The following KCNMA1 variants were observed in gnomAD, a reference collection of about 807,000 sequenced individuals.
The protein encoded by KCNMA1 is Calcium-activated potassium channel subunit alpha-1.
Under a neutral mutation model 140.0 loss-of-function variants are expected in KCNMA1, and 29 were observed. That is an observed-to-expected ratio of 0.21 (90% CI 0.15 to 0.28). The LOEUF (loss-of-function observed/expected upper bound fraction) is 0.28, where lower values mean the gene tolerates loss of function less well. Ranked by LOEUF, KCNMA1 falls within the 10% of genes least tolerant of loss-of-function variation. KCNMA1 has a pLI of 1.00. For missense variants in KCNMA1, 880 were observed against 1,602.2 expected (o/e 0.55, Z 7.70); for synonymous variants, 612 against 611.9 (o/e 1.00, Z 0.00).
At chr10:76,939,460 T>C (rs1415317016) in intron 23 of KCNMA1, 1 of 152,200 alleles carries the variant, frequency 6.6e-6, no homozygotes, top group Non-Finnish European at 1.5e-5. Context: ...TTCCTCAAAA[T>C]ACCTAAACCA....
chr10:77,517,205 T>G (rs74970558), intron 1 of KCNMA1, among the ~76,000 whole-genome samples: 2,423 of 152,238 alleles, frequency 0.016, 29 homozygotes, highest in Middle Eastern at 0.051. Flanking sequence ...TATGAAGAGC[T>G]GCCTGACCTC....
In KCNMA1 at chr10:77,082,961, C is replaced by T. The variant is rs747903911; in HGVS notation, c.1523+1676G>A. 3.3e-5 allele frequency among the ~76,000 whole-genome samples: 5 copies of T among 152,262 alleles called. No homozygotes were observed. In the South Asian group the frequency reaches 6.2e-4, roughly 19 times the overall value. On this transcript the variant is annotated intron_variant, in intron 12 of 27. Coordinates refer to ENST00000286628, the MANE Select transcript of KCNMA1 (RefSeq NM_001161352.2). ...CCCCACCTCACTGATGGGGAAGCTC[C>T]GGTCACTTGGGGCCACTGATGGAAA...
At chr10:77,348,870 G>A (rs2092535615) in intron 2 of KCNMA1, among the ~76,000 whole-genome samples, 1 of 151,934 alleles carries the variant, frequency 6.6e-6, no homozygotes, top group Non-Finnish European at 1.5e-5. Context: ...TGCAAAGGAA[G>A]GTGCTGGAAT....
At chr10:76,948,451 C>A (rs1262148052) in intron 22 of KCNMA1, among the ~76,000 whole-genome samples, 1 of 152,180 alleles carries the variant, frequency 6.6e-6, no homozygotes, top group Non-Finnish European at 1.5e-5. Flanking sequence ...GTGGACTATG[C>A]ATTCATTATG....
At chr10:77,006,428 G>A (rs543489739) in intron 18 of KCNMA1, among the ~76,000 whole-genome samples, 17 of 152,194 alleles carry the variant, frequency 1.1e-4, no homozygotes, top group Non-Finnish European at 2.2e-4. Context: ...AGCAACTAAC[G>A]TTACTAATAA....
At chr10:77,012,993 C>G (rs1460252775) in intron 17 of KCNMA1, among the ~76,000 whole-genome samples, 1 of 152,142 alleles carries the variant, frequency 6.6e-6, no homozygotes, top group African/African-American at 2.4e-5. Context: ...CTGGAACAAC[C>G]CTACAACCTT....
At chr10:77,027,195 T>A (rs982143529) in intron 16 of KCNMA1, among the ~76,000 whole-genome samples, 2 of 152,210 alleles carry the variant, frequency 1.3e-5, no homozygotes, top group African/African-American at 2.4e-5. Flanking sequence ...ACATATTGAC[T>A]GGGATGTTAT....
rs1316740663 is a variant in KCNMA1, at chr10:77,070,129, TC to T, written c.1749+2967del. The stretch of plus-strand genomic sequence containing the variant: ...ACACACCTGGCCAGTAATCCCTCTT[TC>T]TTTTATTAAACATATCACCCCCACT... On this transcript the variant is annotated intron_variant, in intron 14 of 27. Coordinates refer to ENST00000286628, the MANE Select transcript of KCNMA1 (RefSeq NM_001161352.2). 2.6e-5 allele frequency among the ~76,000 whole-genome samples: 4 copies of T among 152,264 alleles called. No homozygotes were observed. In the East Asian group the frequency reaches 7.7e-4, roughly 29 times the overall value.
chr10:76,877,717 A>C (rs2032653261), downstream of KCNMA1: 1 of 1,548,796 alleles, frequency 6.5e-7, no homozygotes, highest in South Asian at 1.2e-5. Flanking sequence ...GCTTTAAAAA[A>C]ATAGTTCTGG....
intron 1 of KCNMA1, among the ~76,000 whole-genome samples, chr10:77,620,666 C>G (rs1194227020): frequency 6.6e-6 from 1 of 152,202 alleles, no homozygotes; most frequent in African/African-American, 2.4e-5. Context: ...CCCCACATCC[C>G]CAGTGGGTTC....
intron 3 of KCNMA1, among the ~76,000 whole-genome samples, chr10:77,233,881 G>T (rs1316372615): frequency 6.6e-6 from 1 of 152,080 alleles, no homozygotes. Context: ...GCCCCACTTT[G>T]TTCAGTCCAC....
intron 16 of KCNMA1, chr10:77,025,369 G>A: frequency 8.6e-7 from 1 of 1,166,694 alleles, no homozygotes; most frequent in Non-Finnish European, 1.2e-6. Context: ...TTGAATTCTT[G>A]GCAAATGGTT....
chr10:77,281,591 G>C (rs922089077), intron 2 of KCNMA1, among the ~76,000 whole-genome samples: 1 of 152,136 alleles, frequency 6.6e-6, no homozygotes, highest in Non-Finnish European at 1.5e-5. Flanking sequence ...GATCCAATAC[G>C]ATTGAGGAAA....
At chr10:77,481,749 T>C (rs1377039343) in intron 1 of KCNMA1, among the ~76,000 whole-genome samples, 1 of 142,326 alleles carries the variant, frequency 7.0e-6, no homozygotes, top group Non-Finnish European at 1.5e-5. Flanking sequence ...CACTGTAGCC[T>C]GGGCAACAGA....
intron 1 of KCNMA1, among the ~76,000 whole-genome samples, chr10:77,545,827 G>T (rs75997754): frequency 0.019 from 2,859 of 152,278 alleles, 78 homozygotes; most frequent in Non-Finnish European, 0.022. Flanking sequence ...ATGCCTCAGC[G>T]TAGGAACAGA....
chr10:77,527,230 G>A (rs918206962), intron 1 of KCNMA1, among the ~76,000 whole-genome samples: 2 of 152,172 alleles, frequency 1.3e-5, no homozygotes, highest in African/African-American at 4.8e-5. Context: ...CCCACAGGAC[G>A]AACTGGCTTG....
At chr10:77,374,052 T>C (rs1295122930) in intron 2 of KCNMA1, among the ~76,000 whole-genome samples, 1 of 152,172 alleles carries the variant, frequency 6.6e-6, no homozygotes, top group African/African-American at 2.4e-5. Context: ...AATGGCTGAT[T>C]GAGAATCTTA....
chr10:77,028,510 C>T (rs1041986173), intron 15 of KCNMA1, among the ~76,000 whole-genome samples: 2 of 152,020 alleles, frequency 1.3e-5, no homozygotes, highest in Non-Finnish European at 2.9e-5. Context: ...TGTGCGTTCC[C>T]CACTCTCGAT....
Position 77,028,501 on chromosome 10 carries a change from G to A in KCNMA1, c.1860-610C>T, listed in dbSNP as rs1190290323. Reference sequence around the variant, plus strand: ...TGTTCCTGTTTCCATCCCTTCCCTTGTGCGTTCCCCACTCTCGATCCCTTC... The same window carrying A: ...TGTTCCTGTTTCCATCCCTTCCCTTATGCGTTCCCCACTCTCGATCCCTTC... On this transcript the variant is annotated intron_variant, in intron 15 of 27. Transcript: ENST00000286628. 2.0e-5 allele frequency among the ~76,000 whole-genome samples: 3 copies of A among 151,922 alleles called. No homozygotes were observed. In the South Asian group the frequency reaches 6.3e-4, roughly 32 times the overall value.
Sources: allele counts gnomAD v4.1 joint callset (sites outside exome capture counted in the v4.1 genomes callset), GRCh38; gene constraint gnomAD v4.1.1; transcripts MANE v1.5; gene names NCBI Gene and HGNC (gene_info 2026-07-23, HGNC 2026-07-21).